ANKRD30B: variants seen among roughly 807,000 people sequenced by gnomAD.
The protein encoded by ANKRD30B is ankyrin repeat domain-containing protein 30B.
In ANKRD30B, 144 loss-of-function variants were observed where a neutral mutation model predicts 202.2. That is an observed-to-expected ratio of 0.71 (90% CI 0.62 to 0.82). The LOEUF (loss-of-function observed/expected upper bound fraction) is 0.82, where lower values mean the gene tolerates loss of function less well. ANKRD30B is among the 40% of genes least tolerant of loss of function. The pLI is 0.00. For missense variants in ANKRD30B, 1,487 were observed against 1,669.1 expected (o/e 0.89, Z 1.90); for synonymous variants, 508 against 561.3 (o/e 0.91, Z 1.34).
chr18:14,789,297 G>C (rs1251984469), intron 15 of ANKRD30B, among the ~76,000 whole-genome samples: 1 of 152,172 alleles, frequency 6.6e-6, no homozygotes, highest in South Asian at 2.1e-4. Context: ...TTAGCCCTTT[G>C]TCAGAAGAGT....
the ANKRD30B span, among the ~76,000 whole-genome samples, chr18:14,860,380 A>G: frequency 8.6e-6 from 1 of 115,950 alleles, no homozygotes; most frequent in African/African-American, 3.3e-5. Context: ...CTCACTTCCC[A>G]GAGGGGGTGG....
chr18:14,827,749 T>C (rs1174627825), intron 32 of ANKRD30B, among the ~76,000 whole-genome samples: 1 of 152,240 alleles, frequency 6.6e-6, no homozygotes, highest in African/African-American at 2.4e-5. Context: ...TGTCCACTTA[T>C]ACTAATTCTG....
At chr18:14,779,440 C>G (rs1489853945) in intron 10 of ANKRD30B, among the ~76,000 whole-genome samples, 1 of 152,168 alleles carries the variant, frequency 6.6e-6, no homozygotes, top group African/African-American at 2.4e-5. Flanking sequence ...GCATTCACAC[C>G]AAATATACTG....
chr18:14,784,109 G>A (rs558353816), intron 12 of ANKRD30B, among the ~76,000 whole-genome samples: 1 of 152,120 alleles, frequency 6.6e-6, no homozygotes, highest in African/African-American at 2.4e-5. Flanking sequence ...ACACAATCTC[G>A]CTTTTGAGGT....
chr18:14,905,731 G>A, the ANKRD30B span: 3 of 152,148 alleles, frequency 2.0e-5, no homozygotes, highest in Admixed American at 2.0e-4. Context: ...TTCAACATAT[G>A]TCAGATAAAT....
rs1411718750 is a variant in ANKRD30B, at chr18:14,819,101, T to G, written c.2642-3382T>G. 2.6e-5 allele frequency among the ~76,000 whole-genome samples: 4 copies of G among 152,038 alleles called. No individual in the cohort carries two copies. The East Asian group carries it at 7.7e-4, about 29-fold the overall frequency. On this transcript the variant is annotated intron_variant, in intron 30 of 43. Coordinates refer to ENST00000690538, the MANE Select transcript of ANKRD30B (RefSeq NM_001367607.2). ...TCATAGTGGTTTTGATTTGCATTTC[T>G]CTGATGGCCAGTGATGATGAGCATT...
At chr18:14,890,201 T>G in the ANKRD30B span, 1 of 570,166 alleles carries the variant, frequency 1.8e-6, no homozygotes, top group Non-Finnish European at 3.1e-6. Context: ...TTAAAATTTT[T>G]AATGTGATTA....
chr18:14,843,553 CTGTGTGTGTG>C (rs56044501), intron 39 of ANKRD30B, among the ~76,000 whole-genome samples: 40,415 of 145,234 alleles, frequency 0.28, 5,851 homozygotes, highest in Non-Finnish European at 0.33. Flanking sequence ...AGCTTACTTT[CTGTGTGTGTG>C]TGTGTGTGTG....
intron 16 of ANKRD30B, among the ~76,000 whole-genome samples, chr18:14,795,041 G>T (rs1968780643): frequency 6.6e-6 from 1 of 152,108 alleles, no homozygotes; most frequent in Admixed American, 6.5e-5. Context: ...ATAACAAATA[G>T]AATTAGTTTT....
At chr18:14,831,181 G>GAAAAAAAAAAAAAAAAAAAAAAAA (rs71305894) in intron 33 of ANKRD30B, among the ~76,000 whole-genome samples, 1 of 52,358 alleles carries the variant, frequency 1.9e-5, no homozygotes, top group African/African-American at 7.5e-5. Context: ...CTCCGTCTCG[G>GAAAAAAAAAAAAAAAAAAAAAAAA]AAAAAAAAAA....
At chr18:14,922,216 G>A in the ANKRD30B span, among the ~76,000 whole-genome samples, 1 of 152,080 alleles carries the variant, frequency 6.6e-6, no homozygotes, top group Non-Finnish European at 1.5e-5. Context: ...GAGCAACACT[G>A]GGCAGAACTC....
chr18:14,822,471 C>G lies in ANKRD30B; in HGVS notation c.2642-12C>G, dbSNP rs1335520678. 3.0e-6 allele frequency: 4 copies of G among 1,355,892 alleles called. No homozygotes were observed. The Admixed American group carries it at 7.0e-5, about 24-fold the overall frequency. The allele number at this position is 1,355,892 out of a possible 1,614,324, so 84.0% of individuals were successfully genotyped here. ...TGCGTATAATCAATTATATATGTCC[C>G]TTTTCTTTTAGAGTCTCCTGATAAA... On this transcript the variant is annotated splice_polypyrimidine_tract_variant and intron_variant, in intron 30 of 43. Coordinates refer to ENST00000690538, the MANE Select transcript of ANKRD30B (RefSeq NM_001367607.2).
intron 6 of ANKRD30B, 42 bp from the exon 7 acceptor site, chr18:14,763,644 T>A: frequency 6.2e-7 from 1 of 1,600,854 alleles, no homozygotes; most frequent in Non-Finnish European, 8.5e-7. Context: ...GAGGATGATA[T>A]TTAAGCAGAA....
At chr18:14,892,327 AG>A in the ANKRD30B span, among the ~76,000 whole-genome samples, 1 of 152,246 alleles carries the variant, frequency 6.6e-6, no homozygotes, top group Non-Finnish European at 1.5e-5. Flanking sequence ...TAATTATGAT[AG>A]GCAGACATCT....
chr18:14,907,785 A>G, the ANKRD30B span, among the ~76,000 whole-genome samples: 1 of 151,958 alleles, frequency 6.6e-6, no homozygotes, highest in Admixed American at 6.5e-5. Flanking sequence ...GCTTCCCCCT[A>G]CCTCACAGTT....
chr18:14,824,701 G>T (rs1970592416), intron 32 of ANKRD30B, among the ~76,000 whole-genome samples: 1 of 152,200 alleles, frequency 6.6e-6, no homozygotes, highest in African/African-American at 2.4e-5. Context: ...TTGAGCAGGG[G>T]AGTCCCAAGA....
chr18:14,819,898 A>G (rs572981308), intron 30 of ANKRD30B, among the ~76,000 whole-genome samples: 1 of 152,266 alleles, frequency 6.6e-6, no homozygotes, highest in Admixed American at 6.5e-5. Flanking sequence ...AATTCTGTGA[A>G]GAAAGTCATT....
intron 12 of ANKRD30B, 127 bp from the exon 13 acceptor site, chr18:14,784,209 T>A (rs1967931790): frequency 2.1e-6 from 2 of 947,556 alleles, no homozygotes; most frequent in Admixed American, 5.4e-5. Context: ...AAAGAAAACT[T>A]CCCAAATCTA....
chr18:14,811,016 G>A (rs1166870264), intron 28 of ANKRD30B, among the ~76,000 whole-genome samples: 1 of 151,034 alleles, frequency 6.6e-6, no homozygotes, highest in Non-Finnish European at 1.5e-5. Flanking sequence ...TCTGGAGGCT[G>A]AGGCAGGAGA....
Sources: gnomAD v4.1 joint callset for allele counts (sites outside exome capture counted in the v4.1 genomes callset) on GRCh38, gnomAD v4.1.1 for gene constraint, MANE v1.5 for transcripts, NCBI Gene and HGNC (gene_info 2026-07-23, HGNC 2026-07-21) for gene names.